RBFOX1: variants seen among roughly 807,000 people sequenced by gnomAD.
RBFOX1 encodes RNA binding protein fox-1 homolog 1.
Under a neutral mutation model 57.7 loss-of-function variants are expected in RBFOX1, and 8 were observed. The ratio of observed to expected loss-of-function variants is 0.14; its 90% CI spans 0.08 to 0.25. The LOEUF is 0.25. Among genes scored for constraint, RBFOX1 ranks in the 10% least tolerant of loss-of-function variants. The pLI is 1.00. For synonymous variants in RBFOX1, 326 were observed against 222.4 expected (o/e 1.47, Z -4.15); for missense variants, 611 against 548.5 (o/e 1.11, Z -1.14).
intron 4 of RBFOX1, among the ~76,000 whole-genome samples, chr16:7,514,528 G>A (rs1159208672): frequency 6.6e-6 from 1 of 152,178 alleles, no homozygotes; most frequent in Middle Eastern, 3.2e-3. Context: ...TGCTGTGTGA[G>A]CTGTGGCCAC....
intron 4 of RBFOX1, among the ~76,000 whole-genome samples, chr16:7,390,515 C>G (rs1597242271): frequency 6.6e-6 from 1 of 152,150 alleles, no homozygotes; most frequent in South Asian, 2.1e-4. Flanking sequence ...ACCTTCTTCA[C>G]AAAATTGTAA....
At chr16:6,771,022 T>A (rs1365162029) in intron 3 of RBFOX1, among the ~76,000 whole-genome samples, 2 of 152,102 alleles carry the variant, frequency 1.3e-5, no homozygotes, top group Non-Finnish European at 2.9e-5. Flanking sequence ...GGAGACAGGA[T>A]CCTTAGGAAG....
intron 1 of RBFOX1, among the ~76,000 whole-genome samples, chr16:6,178,691 G>C (rs1435913055): frequency 6.6e-6 from 1 of 152,160 alleles, no homozygotes. Context: ...AGGGTATCTA[G>C]TCTACCTTCT....
rs578243705 is a variant in RBFOX1, at chr16:5,866,880, T to C, written c.319-423T>C. On this transcript the variant is annotated intron_variant, in intron 3 of 19. Transcript: ENST00000641259. Reference sequence around the variant, plus strand: ...CATGAAGCTGCTGCTGTTGCTGTCATTGTAGCTTTTACCTGGTGTTTCTCA... The same window carrying C: ...CATGAAGCTGCTGCTGTTGCTGTCACTGTAGCTTTTACCTGGTGTTTCTCA... Among the ~76,000 whole-genome samples, 73 of 152,300 alleles carry C rather than the reference T, an allele frequency of 4.8e-4. 1 individual carries two copies. The highest frequency in any genetic ancestry group is 1.7e-3 in the African/African-American group (71 of 41,560).
intron 2 of RBFOX1, among the ~76,000 whole-genome samples, chr16:6,351,370 ATATT>A (rs1447810052): frequency 5.1e-4 from 51 of 100,506 alleles, no homozygotes; most frequent in African/African-American, 2.6e-3. Context: ...ATATATATAT[ATATT>A]TTTTTTTTTT....
chr16:6,517,320 A>G (rs1429840616), intron 2 of RBFOX1, among the ~76,000 whole-genome samples: 1 of 152,166 alleles, frequency 6.6e-6, no homozygotes, highest in South Asian at 2.1e-4. Flanking sequence ...CACCTTTAGT[A>G]TTCAAGGTTG....
intron 2 of RBFOX1, among the ~76,000 whole-genome samples, chr16:6,336,175 ATATATATTTTTTTTTTTTTTTTTTTT>A (rs2083685660): frequency 1.9e-4 from 6 of 31,480 alleles, no homozygotes; most frequent in African/African-American, 5.5e-4. Context: ...ATATATATAT[ATATATATTTTTTTTTTTTTTTTTTTT>A]TTTTTTTTTT....
rs536995422 is a variant in RBFOX1 at position 6,715,087 on chromosome 16, G to A, written c.-16+60437G>A. ...GTTCCTTCTCCTAAAGTCTGTGTGC[G>A]GCAGCAGGGAGTGGTGAATACAGTC... On this transcript the variant is annotated intron_variant, in intron 3 of 15. Transcript: ENST00000550418. Among the ~76,000 whole-genome samples, 12 of 152,168 alleles carry A rather than the reference G, an allele frequency of 7.9e-5. No homozygotes were observed. The South Asian group carries it at 8.3e-4, about 11-fold the overall frequency.
At chr16:6,014,956 A>G (rs1286440681), upstream of RBFOX1, among the ~76,000 whole-genome samples, 3 of 151,910 alleles carry the variant, frequency 2.0e-5, no homozygotes, top group Non-Finnish European at 4.4e-5. Context: ...CCCAGGCTTA[A>G]GCAATCCCCC....
chr16:5,398,993 C>A lies in RBFOX1; in HGVS notation c.220-68223C>A, dbSNP rs149257576. ...CAGTCCCAGCTTTTCTCCTTCTCTT[C>A]CCGCATTTGAGGGCCGCAGTGACAG... On this transcript the variant is annotated intron_variant, in intron 1 of 2. Coordinates refer to the RBFOX1 transcript ENST00000585867. Among the ~76,000 whole-genome samples, 116 of 152,336 alleles carry A rather than the reference C, an allele frequency of 7.6e-4. 1 individual carries two copies. The highest frequency in any genetic ancestry group is 2.8e-3 in the African/African-American group (115 of 41,586).
chr16:6,408,046 C>T (rs1178973891), intron 2 of RBFOX1, among the ~76,000 whole-genome samples: 1 of 152,054 alleles, frequency 6.6e-6, no homozygotes, highest in African/African-American at 2.4e-5. Context: ...TTACCCCTCC[C>T]ATCATTTGAG....
intron 2 of RBFOX1, among the ~76,000 whole-genome samples, chr16:5,487,714 T>C (rs2042676854): frequency 6.6e-6 from 1 of 152,174 alleles, no homozygotes; most frequent in African/African-American, 2.4e-5. Flanking sequence ...ATGTCTATCT[T>C]CCAGGCATAG....
At chr16:5,935,618 A>G (rs899531845) in intron 4 of RBFOX1, among the ~76,000 whole-genome samples, 7 of 152,154 alleles carry the variant, frequency 4.6e-5, no homozygotes, top group Admixed American at 2.0e-4. Context: ...GCATACTTAC[A>G]CAGGACTTGT....
chr16:7,282,559 C>CTT (rs111692571), intron 4 of RBFOX1, among the ~76,000 whole-genome samples: 31 of 149,594 alleles, frequency 2.1e-4, no homozygotes, highest in African/African-American at 4.9e-4. Context: ...GTTGATTAAG[C>CTT]TTTTTTTTTT....
At chr16:6,774,282 C>T (rs2078956332) in intron 3 of RBFOX1, among the ~76,000 whole-genome samples, 1 of 152,102 alleles carries the variant, frequency 6.6e-6, no homozygotes, top group Non-Finnish European at 1.5e-5. Flanking sequence ...CTACTCTATT[C>T]CCTCCCAGGT....
intron 1 of RBFOX1, among the ~76,000 whole-genome samples, chr16:5,445,559 C>T (rs2151550643): frequency 6.6e-6 from 1 of 152,286 alleles, no homozygotes; most frequent in Non-Finnish European, 1.5e-5. Flanking sequence ...CACCCATTTC[C>T]TTAACTCTGG....
At chr16:6,531,477 G>C (rs1207448740) in intron 2 of RBFOX1, among the ~76,000 whole-genome samples, 4 of 152,180 alleles carry the variant, frequency 2.6e-5, no homozygotes, top group African/African-American at 9.6e-5. Context: ...ATTTAGGACA[G>C]GTTCTCATGA....
At chr16:7,435,919 C>A (rs762440056) in intron 4 of RBFOX1, among the ~76,000 whole-genome samples, 20 of 152,182 alleles carry the variant, frequency 1.3e-4, no homozygotes, top group Admixed American at 1.2e-3. Flanking sequence ...AAGCAGGCAG[C>A]ACTTGTTGAA....
intron 4 of RBFOX1, among the ~76,000 whole-genome samples, chr16:7,456,405 G>A (rs1270514434): frequency 6.6e-6 from 1 of 152,122 alleles, no homozygotes; most frequent in African/African-American, 2.4e-5. Context: ...TGTTTTATGG[G>A]CCGGGATTAA....
Sources: allele counts gnomAD v4.1 joint callset (sites outside exome capture counted in the v4.1 genomes callset), GRCh38; gene constraint gnomAD v4.1.1; transcripts MANE v1.5; gene names NCBI Gene and HGNC (gene_info 2026-07-23, HGNC 2026-07-21).